Variants in DERA observed in about 807,000 individuals in gnomAD.
DERA encodes the protein 2-deoxy-D-ribose 5-phosphate aldolase.
In DERA, 15 loss-of-function variants were observed where a neutral mutation model predicts 41.1. The observed-to-expected ratio is 0.37, with a 90% CI of 0.24 to 0.56. The LOEUF is 0.56. DERA is among the 20% of genes least tolerant of loss of function. DERA has a pLI of 0.81. For missense variants in DERA, 396 were observed against 403.4 expected, an observed-to-expected ratio of 0.98 and a Z score of 0.16; for synonymous variants, 139 against 137.4, an observed-to-expected ratio of 1.01 and a Z score of -0.08.
In DERA at chr12:15,982,414, C is replaced by G; in HGVS notation, c.615C>G (p.Ala205=). 1 of 1,611,070 alleles carries G rather than the reference C, an allele frequency of 6.2e-7. No individual in the cohort carries two copies. Among genetic ancestry groups the G allele is most frequent in the East Asian group, 2.2e-5 (1 of 44,848 alleles). Residue 205 remains alanine, a synonymous_variant, in exon 6 of 9, where the codon GCC becomes GCG. Transcript: ENST00000428559. The surrounding 1 kb of genome is among the most constrained non-coding windows in gnomAD (Gnocchi z 4.0). ...ELGTLTNVYK[A]SMIAMMAGSD... is the part of the protein sequence containing the mutation. ...GAACTCTTACTAATGTCTATAAAGC[C>G]AGTATGATAGCAATGATGGCAGGTA...
intron 5 of DERA, among the ~76,000 whole-genome samples, chr12:15,977,534 C>T (rs1236749056): frequency 6.6e-6 from 1 of 152,202 alleles, no homozygotes; most frequent in Non-Finnish European, 1.5e-5. Context: ...CTCACTGCAA[C>T]CTTCGCCTCC....
intron 6 of DERA, among the ~76,000 whole-genome samples, chr12:16,016,661 G>A (rs1948984062): frequency 6.6e-6 from 1 of 151,624 alleles, no homozygotes; most frequent in African/African-American, 2.4e-5. Context: ...GTGTGGTGCT[G>A]TGCACCTGTA....
Position 15,972,838 on chromosome 12 carries a change from T to A in DERA, c.509-9470T>A, listed in dbSNP as rs985489364. 6.6e-6 allele frequency among the ~76,000 whole-genome samples: 1 copy of A among 152,144 alleles called. No homozygotes were observed. The highest frequency in any genetic ancestry group is 1.5e-5 in the Non-Finnish European group (1 of 68,032). On this transcript the variant is annotated intron_variant, in intron 5 of 8. Transcript: ENST00000428559. The surrounding 1 kb of genome is among the most constrained non-coding windows in gnomAD (Gnocchi z 4.4). ...ATCTAGTGCTGGACTTGGAAGTTAA[T>A]CTTAAATAAAGAAAACTAAAATGCT... is the stretch of plus-strand genomic sequence containing the variant.
In DERA at chr12:16,036,490, C is replaced by T. The variant is rs1181349054; in HGVS notation, c.900+109C>T. Reference sequence around the variant, plus strand: ...TAAAAACTCATCTGATTGACCTCATCCTACCCAATCCTCTACCTTTTCTTC... The same window carrying T: ...TAAAAACTCATCTGATTGACCTCATTCTACCCAATCCTCTACCTTTTCTTC... On this transcript the variant is annotated intron_variant, in intron 8 of 8. Coordinates refer to ENST00000428559, the MANE Select transcript of DERA (RefSeq NM_015954.4). The surrounding 1 kb of genome is among the most constrained non-coding windows in gnomAD (Gnocchi z 4.9). 7.9e-7 allele frequency: 1 copy of T among 1,268,934 alleles called. No homozygotes were observed. The highest frequency in any genetic ancestry group is 2.5e-5 in the Admixed American group (1 of 40,580). 78.6% of individuals were successfully genotyped at this position (1,268,934 alleles called of 1,614,324 possible).
chr12:15,956,141 T>A (rs1276557123), intron 1 of DERA, among the ~76,000 whole-genome samples: 1 of 152,222 alleles, frequency 6.6e-6, no homozygotes, highest in Non-Finnish European at 1.5e-5. Context: ...GAATCCTTGA[T>A]GAATTGATTA....
At chr12:15,916,891 C>T (rs1194694286) in intron 1 of DERA, among the ~76,000 whole-genome samples, 1 of 152,094 alleles carries the variant, frequency 6.6e-6, no homozygotes, top group African/African-American at 2.4e-5. Flanking sequence ...GGACTATAGG[C>T]TGTAGTCAAT....
chr12:15,928,659 GGA>G lies in DERA; in HGVS notation c.31+17249_31+17250del, dbSNP rs1262460759. On this transcript the variant is annotated intron_variant, in intron 1 of 8. Coordinates refer to ENST00000428559, the MANE Select transcript of DERA (RefSeq NM_015954.4). This position sits in a 1 kb window ranked among gnomAD's most constrained non-coding sequence, Gnocchi z 4.6. ...TTTCCCACCCCCGAGGTGTCTACTTGGAGAGTTTCCCCTATTAAAAGCTGTCT... is the reference window on the plus strand; with the variant it reads ...TTTCCCACCCCCGAGGTGTCTACTTGGAGTTTCCCCTATTAAAAGCTGTCT... Among the ~76,000 whole-genome samples the G allele has an allele frequency of 1.3e-5, 2 of 152,094 alleles. No homozygotes were observed. Among genetic ancestry groups the G allele is most frequent in the African/African-American group, 4.8e-5 (2 of 41,398 alleles).
intron 6 of DERA, among the ~76,000 whole-genome samples, chr12:16,006,022 A>G (rs1041906697): frequency 2.0e-5 from 3 of 152,296 alleles, no homozygotes; most frequent in Non-Finnish European, 2.9e-5. Flanking sequence ...CGGTCCTTAC[A>G]CTTTCATTTA....
intron 6 of DERA, among the ~76,000 whole-genome samples, chr12:16,030,232 A>G (rs1229131905): frequency 6.6e-6 from 1 of 151,744 alleles, no homozygotes; most frequent in Non-Finnish European, 1.5e-5. Context: ...ACGTCCAGCC[A>G]GTAGCCTTGG....
chr12:16,007,025 G>T (rs749548565), intron 6 of DERA, among the ~76,000 whole-genome samples: 2 of 152,056 alleles, frequency 1.3e-5, no homozygotes, highest in Non-Finnish European at 2.9e-5. Flanking sequence ...ACAGTACCTC[G>T]CCGATAGTAA....
At position 15,994,259 on chromosome 12, in the gene DERA, T is replaced by C. The variant is rs1484252870; in HGVS notation, c.637+11823T>C. ...TGTAATCAACTTGTATAGAAACCAA[T>C]TTTTAAATAAAGCTGTATTTCCCCT... is the stretch of plus-strand genomic sequence containing the variant. On this transcript the variant is annotated intron_variant, in intron 6 of 8. Coordinates refer to ENST00000428559, the MANE Select transcript of DERA (RefSeq NM_015954.4). This position sits in a 1 kb window ranked among gnomAD's most constrained non-coding sequence, Gnocchi z 4.8. Among the ~76,000 whole-genome samples, 1 of 152,212 alleles carries C rather than the reference T, an allele frequency of 6.6e-6. No individual in the cohort carries two copies. Among genetic ancestry groups the C allele is most frequent in the African/African-American group, 2.4e-5 (1 of 41,454 alleles).
intron 1 of DERA, among the ~76,000 whole-genome samples, chr12:15,932,263 T>C (rs934775595): frequency 2.6e-5 from 4 of 152,204 alleles, no homozygotes; most frequent in African/African-American, 9.7e-5. Context: ...GTTCAAGGAT[T>C]AACTCACAAC....
chr12:15,911,518 A>C lies in DERA; in HGVS notation c.31+104A>C. On this transcript the variant is annotated intron_variant, in intron 1 of 8. Coordinates refer to ENST00000428559, the MANE Select transcript of DERA (RefSeq NM_015954.4). The surrounding 1 kb of genome is among the most constrained non-coding windows in gnomAD (Gnocchi z 4.5). ...CCAGTGCCCTGGCTGTGGGTCCCCG[A>C]GGGGTTTTCGCTGGGGCGGGAAGCA... The C allele has an allele frequency of 8.3e-7, 1 of 1,199,976 alleles. No individual in the cohort carries two copies. The allele number at this position is 1,199,976 out of a possible 1,614,324, so 74.3% of individuals were successfully genotyped here.
Position 15,982,017 on chromosome 12 carries a change from C to G in DERA, c.509-291C>G, listed in dbSNP as rs538599917. Among the ~76,000 whole-genome samples the G allele has an allele frequency of 6.6e-6, 1 of 152,100 alleles. No individual in the cohort carries two copies. The highest frequency in any genetic ancestry group is 1.5e-5 in the Non-Finnish European group (1 of 68,020). ...GGAAGCAACCATCATATGGACAAGA[C>G]AGAAATTATTTATAATTTGCATGTC... On this transcript the variant is annotated intron_variant, in intron 5 of 8. Coordinates refer to ENST00000428559, the MANE Select transcript of DERA (RefSeq NM_015954.4). This position sits in a 1 kb window ranked among gnomAD's most constrained non-coding sequence, Gnocchi z 4.0.
intron 3 of DERA, among the ~76,000 whole-genome samples, 161 bp downstream of exon 3, chr12:15,958,496 C>G (rs1312040700): frequency 2.0e-5 from 3 of 148,324 alleles, no homozygotes; most frequent in Non-Finnish European, 4.4e-5. Context: ...TGAAAAACAG[C>G]AGGAAGAGAA....
intron 1 of DERA, among the ~76,000 whole-genome samples, chr12:15,925,879 G>A (rs1471385898): frequency 3.6e-5 from 5 of 138,858 alleles, no homozygotes; most frequent in African/African-American, 1.4e-4. Flanking sequence ...CCAGGCTGGA[G>A]TACAATGGCA....
Position 15,959,203 on chromosome 12 carries a change from A to G in DERA, c.278-626A>G, listed in dbSNP as rs1397755644. On this transcript the variant is annotated intron_variant, in intron 3 of 8. Coordinates refer to ENST00000428559, the MANE Select transcript of DERA (RefSeq NM_015954.4). This position sits in a 1 kb window ranked among gnomAD's most constrained non-coding sequence, Gnocchi z 4.5. ...TTATGTTTATTTCGTGTTGGCCATA[A>G]AAATATCACCTTATTTATTGCACTT... is the stretch of plus-strand genomic sequence containing the variant. Among the ~76,000 whole-genome samples, 2 of 152,204 alleles carry G rather than the reference A, an allele frequency of 1.3e-5. No homozygotes were observed. Among genetic ancestry groups the G allele is most frequent in the Non-Finnish European group, 2.9e-5 (2 of 68,022 alleles).
intron 1 of DERA, among the ~76,000 whole-genome samples, chr12:15,920,130 C>A (rs1338794468): frequency 6.6e-6 from 1 of 152,094 alleles, no homozygotes; most frequent in Non-Finnish European, 1.5e-5. Context: ...GACTCCTTAT[C>A]TGTGATGTAG....
intron 6 of DERA, among the ~76,000 whole-genome samples, chr12:16,031,013 T>G (rs1949088909): frequency 6.6e-6 from 1 of 152,268 alleles, no homozygotes; most frequent in African/African-American, 2.4e-5. Flanking sequence ...GCTTCATTTC[T>G]CTTTGTATAA....
Sources: allele counts gnomAD v4.1 joint callset (sites outside exome capture counted in the v4.1 genomes callset), GRCh38; gene constraint gnomAD v4.1.1; non-coding constraint Gnocchi (gnomAD v3.1); transcripts MANE v1.5; gene names NCBI Gene and HGNC (gene_info 2026-07-23, HGNC 2026-07-21).